The following ME3 variants were observed in gnomAD, a reference collection of about 807,000 sequenced individuals.
ME3 encodes the protein NADP-dependent malic enzyme, mitochondrial.
A neutral mutation model predicts 68.9 loss-of-function variants in ME3; 48 were observed. That is an observed-to-expected ratio of 0.70 (90% CI 0.55 to 0.89). The LOEUF (loss-of-function observed/expected upper bound fraction) is 0.89, where lower values mean the gene tolerates loss of function less well. ME3 is among the 40% of genes least tolerant of loss of function. ME3 has a pLI of 0.00. For missense variants in ME3, 675 were observed against 797.4 expected (o/e 0.85, Z 1.85); for synonymous variants, 320 against 318.8 (o/e 1.00, Z -0.04).
At chr11:86,496,005 G>A (rs1331504705) in intron 6 of ME3, among the ~76,000 whole-genome samples, 1 of 152,108 alleles carries the variant, frequency 6.6e-6, no homozygotes, top group African/African-American at 2.4e-5. Flanking sequence ...TTTCCCAGCT[G>A]TTAAGCAAGG....
intron 2 of ME3, among the ~76,000 whole-genome samples, chr11:86,616,267 A>G (rs919088713): frequency 9.2e-5 from 14 of 152,250 alleles, no homozygotes; most frequent in African/African-American, 3.4e-4. Context: ...TTGTAAAGAG[A>G]TTTTATGAAT....
chr11:86,445,451 A>G (rs1949231838), intron 13 of ME3, among the ~76,000 whole-genome samples: 1 of 152,236 alleles, frequency 6.6e-6, no homozygotes, highest in Non-Finnish European at 1.5e-5. Context: ...TCAGGCTTTC[A>G]CCAGTGCCTC....
chr11:86,670,259 GT>G (rs1310173134), intron 2 of ME3, among the ~76,000 whole-genome samples: 1 of 152,230 alleles, frequency 6.6e-6, no homozygotes, highest in Non-Finnish European at 1.5e-5. Flanking sequence ...ATGATGTGGT[GT>G]GAGAACAGGA....
At chr11:86,487,302 G>C in intron 7 of ME3, 35 bp downstream of exon 7, 1 of 1,564,132 alleles carries the variant, frequency 6.4e-7, no homozygotes, top group Non-Finnish European at 8.8e-7. Context: ...TCTCTTAAAA[G>C]TCCTCTTTCA....
chr11:86,591,719 A>G (rs1283980503), intron 2 of ME3, among the ~76,000 whole-genome samples: 1 of 152,152 alleles, frequency 6.6e-6, no homozygotes, highest in African/African-American at 2.4e-5. Flanking sequence ...AGCAAGTCGC[A>G]TTTTATGTGG....
At chr11:86,649,956 AC>A (rs1262565185) in intron 2 of ME3, among the ~76,000 whole-genome samples, 1 of 152,222 alleles carries the variant, frequency 6.6e-6, no homozygotes, top group African/African-American at 2.4e-5. Flanking sequence ...AGGAAAAACT[AC>A]TTTCAATTTC....
At position 86,646,704 on chromosome 11, in the gene ME3, A is replaced by C. The variant is rs149483930; in HGVS notation, c.183+25058T>G. On this transcript the variant is annotated intron_variant, in intron 2 of 14. Coordinates refer to ENST00000543262, the Ensembl canonical transcript of ME3. The stretch of plus-strand genomic sequence containing the variant: ...TCAAATTCAGGAAATGCAGAGAACA[A>C]AACTAAGATAATCCATGAGAAGAGT... Among the ~76,000 whole-genome samples, 1,338 of 152,296 alleles carry C rather than the reference A, an allele frequency of 8.8e-3. 27 individuals carry two copies. Among genetic ancestry groups the C allele is most frequent in the African/African-American group, 0.03 (1,251 of 41,570 alleles).
chr11:86,475,594 A>G (rs1381944056), intron 7 of ME3, among the ~76,000 whole-genome samples: 2 of 152,114 alleles, frequency 1.3e-5, no homozygotes, highest in Non-Finnish European at 2.9e-5. Flanking sequence ...TTCATGAATT[A>G]CATGAAGGAG....
chr11:86,649,961 C>T (rs766245982), intron 2 of ME3, among the ~76,000 whole-genome samples: 61 of 152,230 alleles, frequency 4.0e-4, no homozygotes, highest in Non-Finnish European at 4.6e-4. Context: ...AAACTACTTT[C>T]AATTTCATGT....
chr11:86,476,989 A>G (rs1951115693), intron 7 of ME3, among the ~76,000 whole-genome samples: 1 of 152,228 alleles, frequency 6.6e-6, no homozygotes, highest in Non-Finnish European at 1.5e-5. Flanking sequence ...ACAGTGAAGC[A>G]CTGCCTAAAG....
intron 7 of ME3, among the ~76,000 whole-genome samples, chr11:86,472,293 T>G (rs984428959): frequency 5.3e-5 from 8 of 152,150 alleles, no homozygotes; most frequent in African/African-American, 1.7e-4. Context: ...CATGCCCATG[T>G]AAACAGCCTA....
At chr11:86,589,090 T>C (rs369784103) in intron 2 of ME3, among the ~76,000 whole-genome samples, 1 of 152,166 alleles carries the variant, frequency 6.6e-6, no homozygotes, top group Non-Finnish European at 1.5e-5. Context: ...AGAAATCTCA[T>C]TGGCCTGGGA....
chr11:86,559,433 G>A (rs563551993), intron 3 of ME3, among the ~76,000 whole-genome samples: 1 of 152,084 alleles, frequency 6.6e-6, no homozygotes, highest in Non-Finnish European at 1.5e-5. Context: ...CTTCCCAGAG[G>A]CCCTTCCAGA....
chr11:86,487,687 C>T (rs1158439893), intron 6 of ME3, among the ~76,000 whole-genome samples: 8 of 152,184 alleles, frequency 5.3e-5, no homozygotes, highest in African/African-American at 1.9e-4. Flanking sequence ...CCAGGCAAGC[C>T]TCTGTCAGAC....
intron 4 of ME3, among the ~76,000 whole-genome samples, chr11:86,526,965 C>T (rs965710138): frequency 3.9e-5 from 6 of 152,222 alleles, no homozygotes; most frequent in Non-Finnish European, 8.8e-5. Flanking sequence ...TGCCTCTCCT[C>T]CTCCAAAGGA....
intron 4 of ME3, among the ~76,000 whole-genome samples, chr11:86,552,284 T>G (rs980919398): frequency 3.3e-5 from 5 of 152,216 alleles, no homozygotes; most frequent in Non-Finnish European, 5.9e-5. Flanking sequence ...CCTGCCTGGC[T>G]TCAAAGTCCG....
exon 7 of ME3, chr11:86,487,354 C>A (rs1208739668): frequency 3.1e-6 from 5 of 1,614,130 alleles, no homozygotes; most frequent in African/African-American, 1.3e-5. Flanking sequence ...TCACAGCCTG[C>A]ATGAACTCAT....
At chr11:86,442,855 G>T in exon 14 of ME3, 1 of 1,613,512 alleles carries the variant, frequency 6.2e-7, no homozygotes, top group Non-Finnish European at 8.5e-7. Flanking sequence ...GTCTCGGATG[G>T]TGCTGAGTGG....
At chr11:86,668,879 G>C (rs12222139) in intron 2 of ME3, among the ~76,000 whole-genome samples, 4 of 152,154 alleles carry the variant, frequency 2.6e-5, no homozygotes, top group Non-Finnish European at 5.9e-5. Context: ...ACAGGTGGAC[G>C]AATCTCATTA....
Sources: gnomAD v4.1 joint callset for allele counts (sites outside exome capture counted in the v4.1 genomes callset) on GRCh38, gnomAD v4.1.1 for gene constraint, MANE v1.5 for transcripts, NCBI Gene and HGNC (gene_info 2026-07-23, HGNC 2026-07-21) for gene names.